Variants in SLCO1A2 observed in about 807,000 individuals in gnomAD.
SLCO1A2 encodes OATP-1.
Under a neutral mutation model 69.0 loss-of-function variants are expected in SLCO1A2, and 67 were observed. The observed-to-expected ratio is 0.97, with a 90% CI of 0.80 to 1.19. The LOEUF (loss-of-function observed/expected upper bound fraction) is 1.19. SLCO1A2 is among the 50% of genes most tolerant of loss of function. The probability of loss-of-function intolerance (pLI) is 0.00; values close to 1 mark genes in which losing one functional copy is unlikely to be tolerated. For missense variants in SLCO1A2, 787 were observed against 793.7 expected, an observed-to-expected ratio of 0.99 and a Z score of 0.10; for synonymous variants, 260 against 265.9, an observed-to-expected ratio of 0.98 and a Z score of 0.22.
intron 2 of SLCO1A2, among the ~76,000 whole-genome samples, chr12:21,364,007 A>G (rs1230152040): frequency 6.6e-6 from 1 of 152,220 alleles, no homozygotes; most frequent in Non-Finnish European, 1.5e-5. Context: ...AAACTATTCC[A>G]ATCAATAGAA....
At position 21,293,429 on chromosome 12, in the gene SLCO1A2, G is replaced by A. The variant is rs11045944; in HGVS notation, c.1437+516C>T. 0.026 allele frequency among the ~76,000 whole-genome samples: 3,934 copies of A among 151,986 alleles called. 421 individuals carry two copies. The East Asian group carries it at 0.35, about 14-fold the overall frequency. On this transcript the variant is annotated intron_variant, in intron 11 of 14. Coordinates refer to ENST00000683939, the MANE Select transcript of SLCO1A2 (RefSeq NM_001386879.1). ...TAGTTTACTTTGATCACCAACCAACGTTATATTAATATTACAATTGATGTT... is the reference window on the plus strand; with the variant it reads ...TAGTTTACTTTGATCACCAACCAACATTATATTAATATTACAATTGATGTT...
At chr12:21,328,197 C>A (rs541304557) in intron 2 of SLCO1A2, among the ~76,000 whole-genome samples, 2 of 152,210 alleles carry the variant, frequency 1.3e-5, no homozygotes, top group East Asian at 3.9e-4. Flanking sequence ...TCCATTAAAC[C>A]CCTTTTTCTT....
intron 1 of SLCO1A2, among the ~76,000 whole-genome samples, chr12:21,382,331 C>A (rs35286038): frequency 6.6e-6 from 1 of 151,626 alleles, no homozygotes. Flanking sequence ...GATTCAGAAG[C>A]GGGAGGGTGA....
At chr12:21,314,799 ATT>A in intron 3 of SLCO1A2, 118 bp from the exon 4 acceptor site, 1 of 776,538 alleles carries the variant, frequency 1.3e-6, no homozygotes, top group Non-Finnish European at 2.1e-6. Flanking sequence ...AAATACTTGG[ATT>A]TGTGCTAGGG....
At chr12:21,400,552 A>G (rs527755637) in intron 1 of SLCO1A2, among the ~76,000 whole-genome samples, 89 of 152,156 alleles carry the variant, frequency 5.8e-4, no homozygotes, top group Middle Eastern at 3.4e-3. Context: ...ACTATAAATC[A>G]TGCTGCTATA....
In SLCO1A2 at chr12:21,322,011, G is replaced by A. The variant is rs543746903; in HGVS notation, c.61-3088C>T. ...CTACTAAGTGCCTGACAAATAGCAG[G>A]CACCCAATACAAGTTTATTGAATTA... On this transcript the variant is annotated intron_variant, in intron 2 of 14. Transcript: ENST00000683939. Among the ~76,000 whole-genome samples the A allele has an allele frequency of 2.0e-5, 3 of 152,226 alleles. No individual in the cohort carries two copies. In the East Asian group the frequency reaches 5.8e-4, roughly 29 times the overall value.
At chr12:21,408,748 G>GTGTA (rs1491300175) in intron 1 of SLCO1A2, among the ~76,000 whole-genome samples, 4 of 146,272 alleles carry the variant, frequency 2.7e-5, no homozygotes, top group African/African-American at 1.0e-4. Flanking sequence ...GTGTGTGTGT[G>GTGTA]TACGTGCTCC....
chr12:21,384,323 G>C (rs1940759101), intron 1 of SLCO1A2, among the ~76,000 whole-genome samples: 10 of 152,190 alleles, frequency 6.6e-5, no homozygotes, highest in Admixed American at 6.5e-4. Context: ...TCCTAAATGA[G>C]ATTTGCATAA....
At chr12:21,416,828 T>C (rs1289737102) in intron 1 of SLCO1A2, among the ~76,000 whole-genome samples, 1 of 152,118 alleles carries the variant, frequency 6.6e-6, no homozygotes, top group Non-Finnish European at 1.5e-5. Flanking sequence ...CTCAAATGAA[T>C]AGAATTTCTG....
In SLCO1A2 at chr12:21,269,545, C is replaced by A. The variant is rs11045920; in HGVS notation, c.*3G>T. ...TTCTGAAAAAAGTAATATAATAGGA[C>A]AATTACAATTTAGTTTTCAATTCAT... is the stretch of plus-strand genomic sequence containing the variant. On this transcript the variant is annotated 3_prime_UTR_variant, in exon 15 of 15. Transcript: ENST00000683939. 3,268 of 1,597,734 alleles carry A rather than the reference C, an allele frequency of 2.0e-3. 36 individuals carry two copies. The African/African-American group carries it at 0.035, about 17-fold the overall frequency.
At chr12:21,383,411 T>C (rs1940709566) in intron 1 of SLCO1A2, among the ~76,000 whole-genome samples, 1 of 152,176 alleles carries the variant, frequency 6.6e-6, no homozygotes, top group Admixed American at 6.5e-5. Flanking sequence ...TTCATCTGCC[T>C]CATTACTGCT....
chr12:21,373,502 CAAAT>C, intron 2 of SLCO1A2: 1 of 971,110 alleles, frequency 1.0e-6, no homozygotes. Context: ...TAAATACTGT[CAAAT>C]AACTACAGCC....
chr12:21,387,960 TGGA>T (rs1940967739), intron 1 of SLCO1A2, among the ~76,000 whole-genome samples: 1 of 152,202 alleles, frequency 6.6e-6, no homozygotes, highest in African/African-American at 2.4e-5. Context: ...ATGTGAGACA[TGGA>T]GTCAAAGGAG....
chr12:21,404,056 C>A (rs1941782667), intron 1 of SLCO1A2, among the ~76,000 whole-genome samples: 1 of 152,028 alleles, frequency 6.6e-6, no homozygotes, highest in East Asian at 1.9e-4. Flanking sequence ...TATGGGATGC[C>A]ACTGACATTT....
intron 9 of SLCO1A2, among the ~76,000 whole-genome samples, chr12:21,297,062 T>C (rs1056347661): frequency 1.3e-5 from 2 of 152,160 alleles, no homozygotes; most frequent in African/African-American, 4.8e-5. Context: ...AATTTGGTAG[T>C]AAAATGCACA....
chr12:21,353,658 C>T (rs561947320), intron 2 of SLCO1A2, among the ~76,000 whole-genome samples: 2 of 152,192 alleles, frequency 1.3e-5, no homozygotes, highest in African/African-American at 4.8e-5. Flanking sequence ...TGGTCCAATC[C>T]CTGTTTCCAA....
intron 1 of SLCO1A2, among the ~76,000 whole-genome samples, chr12:21,392,469 G>A (rs1269680093): frequency 6.6e-6 from 1 of 152,114 alleles, no homozygotes; most frequent in African/African-American, 2.4e-5. Flanking sequence ...AACTGCAGAG[G>A]ACAAATATAA....
chr12:21,411,644 A>T (rs978173458), intron 1 of SLCO1A2, among the ~76,000 whole-genome samples: 1 of 152,066 alleles, frequency 6.6e-6, no homozygotes, highest in Non-Finnish European at 1.5e-5. Flanking sequence ...CGTTACTTAC[A>T]TTGAAGCTAC....
chr12:21,320,401 C>A (rs1385639456), intron 2 of SLCO1A2, among the ~76,000 whole-genome samples: 2 of 152,118 alleles, frequency 1.3e-5, no homozygotes, highest in Non-Finnish European at 2.9e-5. Flanking sequence ...TACATAAAAT[C>A]CCTCCAATCT....
Sources: gnomAD v4.1 joint callset for allele counts (sites outside exome capture counted in the v4.1 genomes callset) on GRCh38, gnomAD v4.1.1 for gene constraint, MANE v1.5 for transcripts, NCBI Gene and HGNC (gene_info 2026-07-23, HGNC 2026-07-21) for gene names.